The following ZNF18 variants were observed in gnomAD, a reference collection of about 807,000 sequenced individuals.
ZNF18 encodes heart development-specific gene 1 protein.
ZNF18 carries 42 observed loss-of-function variants against 58.1 expected under a neutral mutation model. The ratio of observed to expected loss-of-function variants is 0.72; its 90% CI spans 0.56 to 0.93. ZNF18 has a LOEUF of 0.93. ZNF18 is among the 40% of genes least tolerant of loss of function. The pLI is 0.00. For missense variants in ZNF18, 540 were observed against 644.2 expected, an observed-to-expected ratio of 0.84 and a Z score of 1.75; for synonymous variants, 231 against 239.8, an observed-to-expected ratio of 0.96 and a Z score of 0.34.
the ZNF18 span, among the ~76,000 whole-genome samples, chr17:12,011,851 C>A: frequency 4.6e-5 from 7 of 151,750 alleles, no homozygotes; most frequent in South Asian, 1.5e-3. Context: ...CAGGCATGCA[C>A]CACCACATCC....
At chr17:12,019,888 ACTGGCTATT>A in the ZNF18 span, among the ~76,000 whole-genome samples, 4 of 152,222 alleles carry the variant, frequency 2.6e-5, no homozygotes, top group Admixed American at 2.6e-4. Context: ...AAGTAGGATA[ACTGGCTATT>A]CCATTTTAGG....
intron 4 of ZNF18, among the ~76,000 whole-genome samples, chr17:11,984,624 C>T (rs886130204): frequency 2.0e-5 from 3 of 151,914 alleles, no homozygotes; most frequent in Admixed American, 2.0e-4. Flanking sequence ...AGCGATTCTC[C>T]TGCCTCAGCT....
chr17:11,978,133 A>G lies in ZNF18; in HGVS notation c.1474T>C (p.Tyr492His). 6.2e-7 allele frequency: 1 copy of G among 1,614,184 alleles called. No homozygotes were observed. Residue 492 changes from tyrosine (Y) to histidine (H), a missense_variant, in exon 7 of 7, where the codon TAT (tyrosine) becomes CAT (histidine). Physicochemically the swap from Tyr to His is moderately conservative, Grantham distance 83. Transcript: ENST00000580306. ...HEKIHTGEKP[Y>H]KCPICEKSFI... Reference sequence around the variant, plus strand: ...CTTTTCTCACAGATAGGACATTTATAGGGTTTCTCTCCTGTGTGGATTTTC... The same window carrying G: ...CTTTTCTCACAGATAGGACATTTATGGGGTTTCTCTCCTGTGTGGATTTTC...
chr17:11,992,908 G>A lies in ZNF18; in HGVS notation c.-79C>T. On this transcript the variant is annotated 5_prime_UTR_variant, in exon 2 of 7. Transcript: ENST00000580306. Reference sequence around the variant, plus strand: ...CCGGCAAGAACTAGGTCTTCACCAGGACACTAAAAAGGGAATGAGATTGAG... The same window carrying A: ...CCGGCAAGAACTAGGTCTTCACCAGAACACTAAAAAGGGAATGAGATTGAG... 6.8e-7 allele frequency: 1 copy of A among 1,475,604 alleles called. No homozygotes were observed. The highest frequency in any genetic ancestry group is 9.0e-7 in the Non-Finnish European group (1 of 1,107,994). The allele number at this position is 1,475,604 out of a possible 1,614,324, so 91.4% of individuals were successfully genotyped here. A position where few individuals can be genotyped will look rare whatever the true frequency, so the allele number is the denominator to read the frequency against.
chr17:12,017,300 A>G, the ZNF18 span, among the ~76,000 whole-genome samples: 2 of 152,276 alleles, frequency 1.3e-5, no homozygotes, highest in South Asian at 4.1e-4. Context: ...TGTATTTCCA[A>G]TTAAATTCAG....
chr17:12,013,519 T>C, the ZNF18 span, among the ~76,000 whole-genome samples: 4 of 152,192 alleles, frequency 2.6e-5, no homozygotes, highest in Non-Finnish European at 5.9e-5. Context: ...TGGATTCAAG[T>C]TCACTTTTTA....
the ZNF18 span, among the ~76,000 whole-genome samples, chr17:12,017,371 C>T: frequency 1.3e-5 from 2 of 152,204 alleles, no homozygotes; most frequent in Non-Finnish European, 2.9e-5. Flanking sequence ...GAGGCAACAT[C>T]CGTCACTGGG....
chr17:12,013,169 C>T, the ZNF18 span, among the ~76,000 whole-genome samples: 3 of 152,088 alleles, frequency 2.0e-5, no homozygotes, highest in South Asian at 6.2e-4. Flanking sequence ...CTGGGAGGGT[C>T]TCCATCTCTT....
At chr17:12,020,571 G>A in the ZNF18 span, among the ~76,000 whole-genome samples, 2 of 152,228 alleles carry the variant, frequency 1.3e-5, no homozygotes, top group Non-Finnish European at 2.9e-5. Flanking sequence ...AATGATGAAA[G>A]CTGCGTACCT....
In ZNF18 at chr17:11,992,859, A is replaced by T. The variant is rs1442112054; in HGVS notation, c.-30T>A. The T allele has an allele frequency of 6.3e-7, 1 of 1,593,526 alleles. No individual in the cohort carries two copies. The highest frequency in any genetic ancestry group is 2.2e-5 in the East Asian group (1 of 44,698). ...CAGCCTGGCAAGTCCTTTTAAGTAA[A>T]GTGCTTCTGCAGTGGAATTGTCTCC... On this transcript the variant is annotated 5_prime_UTR_variant, in exon 2 of 7. Coordinates refer to ENST00000580306, the MANE Select transcript of ZNF18 (RefSeq NM_001303281.2).
chr17:12,006,819 G>GA, the ZNF18 span, among the ~76,000 whole-genome samples: 1 of 151,762 alleles, frequency 6.6e-6, no homozygotes, highest in Admixed American at 6.6e-5. Flanking sequence ...TATCCCAGAA[G>GA]AAAGAAAAAA....
At chr17:12,004,901 A>G in the ZNF18 span, among the ~76,000 whole-genome samples, 4 of 151,026 alleles carry the variant, frequency 2.6e-5, no homozygotes, top group Non-Finnish European at 5.9e-5. Flanking sequence ...AAAAAAAAAA[A>G]AAAAAGAAAA....
intron 6 of ZNF18, among the ~76,000 whole-genome samples, chr17:11,982,238 C>T (rs1967408965): frequency 6.6e-6 from 1 of 152,174 alleles, no homozygotes; most frequent in Non-Finnish European, 1.5e-5. Context: ...TTACAGCAGC[C>T]CAAGCTAAGG....
chr17:12,003,690 C>T, the ZNF18 span, among the ~76,000 whole-genome samples: 3 of 152,146 alleles, frequency 2.0e-5, no homozygotes, highest in Non-Finnish European at 2.9e-5. Flanking sequence ...ACTAACTCCC[C>T]AGTATGCAAG....
At chr17:12,021,115 G>C in the ZNF18 span, 1 of 549,576 alleles carries the variant, frequency 1.8e-6, no homozygotes. Context: ...GGCAGCCGCC[G>C]GCTTCTCCCT....
At chr17:11,994,812 A>G (rs531245792) in intron 1 of ZNF18, among the ~76,000 whole-genome samples, 126 of 152,180 alleles carry the variant, frequency 8.3e-4, no homozygotes, top group African/African-American at 2.9e-3. Flanking sequence ...CTGCACTCCA[A>G]CCTGGGCGAC....
At chr17:12,000,326 T>C (rs1466764391), upstream of ZNF18, among the ~76,000 whole-genome samples, 1 of 152,088 alleles carries the variant, frequency 6.6e-6, no homozygotes, top group Non-Finnish European at 1.5e-5. Context: ...AAGAAAAATC[T>C]ATTAAAGGAG....
At chr17:11,990,422 T>C (rs1473540592) in intron 4 of ZNF18, 40 bp downstream of exon 4, 2 of 1,557,126 alleles carry the variant, frequency 1.3e-6, no homozygotes. Flanking sequence ...TTATAAAAGG[T>C]AAAAAGTTTC....
At chr17:11,993,227 C>T (rs921670621) in intron 1 of ZNF18, among the ~76,000 whole-genome samples, 2 of 152,134 alleles carry the variant, frequency 1.3e-5, no homozygotes, top group African/African-American at 4.8e-5. Context: ...GTAAACGGCT[C>T]TTCTACAAAA....
Sources: allele counts gnomAD v4.1 joint callset (sites outside exome capture counted in the v4.1 genomes callset), GRCh38; gene constraint gnomAD v4.1.1; transcripts MANE v1.5; gene names NCBI Gene and HGNC (gene_info 2026-07-23, HGNC 2026-07-21).